The following SLC25A12 variants were observed in gnomAD, a reference collection of about 807,000 sequenced individuals.
The protein encoded by SLC25A12 is electrogenic aspartate/glutamate antiporter SLC25A12, mitochondrial.
Under a neutral mutation model 83.3 loss-of-function variants are expected in SLC25A12, and 32 were observed. The observed-to-expected ratio is 0.38, with a 90% CI of 0.29 to 0.52. SLC25A12 has a LOEUF of 0.52. Among genes scored for constraint, SLC25A12 ranks in the 20% least tolerant of loss-of-function variants. The pLI is 0.84. For missense variants in SLC25A12, 611 were observed against 835.6 expected (o/e 0.73, Z 3.31); for synonymous variants, 267 against 291.1 (o/e 0.92, Z 0.84).
intron 13 of SLC25A12, among the ~76,000 whole-genome samples, chr2:171,803,137 TA>T (rs1683745916): frequency 6.7e-6 from 1 of 149,996 alleles, no homozygotes; most frequent in African/African-American, 2.5e-5. Context: ...AAAAAAAACC[TA>T]AAAAACTTAG....
intron 13 of SLC25A12, among the ~76,000 whole-genome samples, chr2:171,796,354 C>A (rs974945669): frequency 3.3e-5 from 5 of 152,194 alleles, no homozygotes; most frequent in Admixed American, 6.5e-5. Context: ...AACCACAAAA[C>A]TCAATTGATG....
chr2:171,824,667 C>G lies in SLC25A12; in HGVS notation c.930+2131G>C, dbSNP rs868446421. Reference sequence around the variant, plus strand: ...GAGCTCTTTAAATATTTCAATGTCTCTTAATTTTATTAAAAATTTTTCACA... The same window carrying G: ...GAGCTCTTTAAATATTTCAATGTCTGTTAATTTTATTAAAAATTTTTCACA... On this transcript the variant is annotated intron_variant, in intron 9 of 17. Transcript: ENST00000422440. Among the ~76,000 whole-genome samples the G allele has an allele frequency of 5.5e-5, 8 of 146,062 alleles. No homozygotes were observed. In the South Asian group the frequency reaches 1.1e-3, roughly 21 times the overall value.
chr2:171,882,318 A>G (rs1685712732), intron 2 of SLC25A12, among the ~76,000 whole-genome samples: 1 of 152,224 alleles, frequency 6.6e-6, no homozygotes. Flanking sequence ...TCCAGAGGTG[A>G]GCATGTGAAC....
At chr2:171,832,379 T>C (rs1684460196) in intron 8 of SLC25A12, among the ~76,000 whole-genome samples, 1 of 152,154 alleles carries the variant, frequency 6.6e-6, no homozygotes, top group Non-Finnish European at 1.5e-5. Flanking sequence ...GCAGGGACCT[T>C]AATCACTTGG....
Position 171,862,140 on chromosome 2 carries a change from C to T in SLC25A12, c.210-6191G>A, listed in dbSNP as rs143565917. Among the ~76,000 whole-genome samples the T allele has an allele frequency of 4.6e-3, 702 of 152,136 alleles. 7 individuals carry two copies. The highest frequency in any genetic ancestry group is 0.016 in the African/African-American group (665 of 41,508). ...TGCCTGTGTAACATAAAGGAAAACA[C>T]TTGGGGAAAAAGTAGAAGAAAAGAA... On this transcript the variant is annotated intron_variant, in intron 3 of 17. Coordinates refer to ENST00000422440, the MANE Select transcript of SLC25A12 (RefSeq NM_003705.5).
chr2:171,798,667 C>T (rs962022775), intron 13 of SLC25A12, among the ~76,000 whole-genome samples: 1 of 152,188 alleles, frequency 6.6e-6, no homozygotes, highest in Non-Finnish European at 1.5e-5. Context: ...CAGCCTTGCA[C>T]ACCACCAACC....
Position 171,790,161 on chromosome 2 carries a change from C to T in SLC25A12, c.1585+1290G>A, listed in dbSNP as rs140118122. ...CACTCTCAGGCCCAAGGGCTCCTAC[C>T]ACACAACAAGCACAGCACACTCCGG... On this transcript the variant is annotated intron_variant, in intron 15 of 17. Transcript: ENST00000422440. Among the ~76,000 whole-genome samples, 13 of 152,318 alleles carry T rather than the reference C, an allele frequency of 8.5e-5. 1 individual carries two copies. In the East Asian group the frequency reaches 2.5e-3, roughly 29 times the overall value.
At chr2:171,874,470 TG>T (rs1288528409) in intron 2 of SLC25A12, among the ~76,000 whole-genome samples, 2 of 152,230 alleles carry the variant, frequency 1.3e-5, no homozygotes, top group African/African-American at 2.4e-5. Context: ...CAACTGCTTG[TG>T]TTGCTTCTTT....
chr2:171,869,173 G>A (rs1256672924), intron 2 of SLC25A12, among the ~76,000 whole-genome samples: 1 of 152,172 alleles, frequency 6.6e-6, no homozygotes, highest in Non-Finnish European at 1.5e-5. Context: ...GAGCTGAAAG[G>A]AGAGGGGGAA....
chr2:171,891,235 G>C (rs2105936175), intron 2 of SLC25A12, among the ~76,000 whole-genome samples: 1 of 151,948 alleles, frequency 6.6e-6, no homozygotes, highest in South Asian at 2.1e-4. Context: ...GGAGGCAGAA[G>C]TTGCAGTGAG....
intron 8 of SLC25A12, among the ~76,000 whole-genome samples, chr2:171,831,307 G>T (rs998546199): frequency 6.6e-6 from 1 of 152,146 alleles, no homozygotes; most frequent in Non-Finnish European, 1.5e-5. Flanking sequence ...AGGCAGACAG[G>T]TCCCTCTCAA....
At chr2:171,811,987 T>C (rs1229912593) in intron 11 of SLC25A12, among the ~76,000 whole-genome samples, 2 of 152,198 alleles carry the variant, frequency 1.3e-5, no homozygotes, top group African/African-American at 4.8e-5. Context: ...AATCTGGATA[T>C]GCAGGGTTTA....
intron 3 of SLC25A12, among the ~76,000 whole-genome samples, chr2:171,858,721 C>A (rs768324572): frequency 9.2e-5 from 14 of 152,304 alleles, no homozygotes; most frequent in Non-Finnish European, 1.8e-4. Context: ...GTGAACAACA[C>A]TAGGTTTCCG....
intron 13 of SLC25A12, among the ~76,000 whole-genome samples, chr2:171,804,468 C>T (rs2105851930): frequency 6.6e-6 from 1 of 152,148 alleles, no homozygotes; most frequent in South Asian, 2.1e-4. Context: ...ACCATGTTGG[C>T]CAGGCTGGTC....
chr2:171,885,099 G>C (rs1266591969), intron 2 of SLC25A12, among the ~76,000 whole-genome samples: 1 of 150,872 alleles, frequency 6.6e-6, no homozygotes, highest in East Asian at 2.0e-4. Context: ...TGTAGTCCCA[G>C]CTACTCGGGA....
intron 13 of SLC25A12, among the ~76,000 whole-genome samples, chr2:171,805,265 C>T (rs921590718): frequency 6.6e-6 from 1 of 152,030 alleles, no homozygotes; most frequent in Non-Finnish European, 1.5e-5. Context: ...CGCGCCACTT[C>T]ACCTGGCTAA....
At chr2:171,802,575 G>C (rs1161959217) in intron 13 of SLC25A12, among the ~76,000 whole-genome samples, 1 of 152,122 alleles carries the variant, frequency 6.6e-6, no homozygotes, top group South Asian at 2.1e-4. Context: ...AGAAGATCGA[G>C]ACCATCCTGG....
At chr2:171,864,559 G>T (rs1053680574) in intron 3 of SLC25A12, among the ~76,000 whole-genome samples, 8 of 152,118 alleles carry the variant, frequency 5.3e-5, no homozygotes, top group Non-Finnish European at 1.2e-4. Context: ...CAAAGTACTT[G>T]CAACACAACC....
At chr2:171,842,370 A>T (rs1002431814) in intron 5 of SLC25A12, among the ~76,000 whole-genome samples, 1 of 152,076 alleles carries the variant, frequency 6.6e-6, no homozygotes, top group Non-Finnish European at 1.5e-5. Flanking sequence ...AGGTGGGTGG[A>T]TCACCTGAGG....
Sources: allele counts gnomAD v4.1 joint callset (sites outside exome capture counted in the v4.1 genomes callset), GRCh38; gene constraint gnomAD v4.1.1; transcripts MANE v1.5; gene names NCBI Gene and HGNC (gene_info 2026-07-23, HGNC 2026-07-21).